Variants in SAMTOR observed in about 807,000 individuals in gnomAD.
SAMTOR encodes the protein S-adenosylmethionine sensor upstream of mTORC1.
the SAMTOR span, among the ~76,000 whole-genome samples, chr7:112,888,434 A>G: frequency 6.6e-6 from 1 of 152,190 alleles, no homozygotes. Context: ...AATTACAAAT[A>G]TATGTGTACA....
At chr7:112,820,328 T>C in the SAMTOR span, 3 of 152,498 alleles carry the variant, frequency 2.0e-5, no homozygotes, top group South Asian at 4.1e-4. Flanking sequence ...AAGTGCAGTT[T>C]ATGAAATTTA....
chr7:112,918,858 T>G, the SAMTOR span, among the ~76,000 whole-genome samples: 1 of 152,312 alleles, frequency 6.6e-6, no homozygotes, highest in African/African-American at 2.4e-5. Flanking sequence ...AGAAGGCCAT[T>G]ACATAATGGT....
chr7:112,875,966 G>A, the SAMTOR span, among the ~76,000 whole-genome samples: 1 of 152,032 alleles, frequency 6.6e-6, no homozygotes, highest in Non-Finnish European at 1.5e-5. Context: ...AAATGTAGTA[G>A]AGACTTTTTT....
chr7:112,860,011 G>A, the SAMTOR span, among the ~76,000 whole-genome samples: 7 of 152,224 alleles, frequency 4.6e-5, no homozygotes, highest in East Asian at 9.6e-4. Flanking sequence ...TTCTAGTCCC[G>A]TAAGTTCCAT....
chr7:112,904,654 C>T, the SAMTOR span, among the ~76,000 whole-genome samples: 2 of 151,874 alleles, frequency 1.3e-5, no homozygotes, highest in African/African-American at 4.8e-5. Context: ...GGAAGAGTGC[C>T]AACAAATACA....
the SAMTOR span, among the ~76,000 whole-genome samples, chr7:112,833,176 C>A: frequency 6.6e-6 from 1 of 151,998 alleles, no homozygotes; most frequent in Non-Finnish European, 1.5e-5. Context: ...CTTTTGCATT[C>A]AGGCTGTTGC....
chr7:112,913,453 T>C, the SAMTOR span, among the ~76,000 whole-genome samples: 2 of 152,374 alleles, frequency 1.3e-5, no homozygotes, highest in South Asian at 2.1e-4. Context: ...ATTATTGAAG[T>C]AGTTTTCTAA....
chr7:112,876,916 A>C, the SAMTOR span, among the ~76,000 whole-genome samples: 1 of 152,178 alleles, frequency 6.6e-6, no homozygotes, highest in Non-Finnish European at 1.5e-5. Context: ...TTCAAGGTTC[A>C]CACCAAATAT....
At chr7:112,833,494 T>G in the SAMTOR span, among the ~76,000 whole-genome samples, 3 of 152,180 alleles carry the variant, frequency 2.0e-5, no homozygotes, top group East Asian at 5.8e-4. Context: ...AAGTGGTACA[T>G]ATCATTGCTC....
chr7:112,932,666 A>T, the SAMTOR span, among the ~76,000 whole-genome samples: 1 of 152,228 alleles, frequency 6.6e-6, no homozygotes, highest in African/African-American at 2.4e-5. Context: ...TATAAATACC[A>T]TAAAGGTAGG....
chr7:112,845,834 A>C, the SAMTOR span, among the ~76,000 whole-genome samples: 120 of 152,324 alleles, frequency 7.9e-4, no homozygotes, highest in African/African-American at 2.8e-3. Flanking sequence ...GAATCAACCT[A>C]AATGCCCATC....
the SAMTOR span, among the ~76,000 whole-genome samples, chr7:112,870,074 A>G: frequency 3.3e-5 from 5 of 152,298 alleles, no homozygotes; most frequent in South Asian, 1.0e-3. Flanking sequence ...CAAATCTACA[A>G]CTTACTGGCA....
At chr7:112,915,855 G>C in the SAMTOR span, among the ~76,000 whole-genome samples, 1 of 152,076 alleles carries the variant, frequency 6.6e-6, no homozygotes, top group South Asian at 2.1e-4. Flanking sequence ...TGTTACTGTT[G>C]GGCAATATAA....
chr7:112,909,022 G>A, the SAMTOR span, among the ~76,000 whole-genome samples: 1 of 152,196 alleles, frequency 6.6e-6, no homozygotes, highest in African/African-American at 2.4e-5. Flanking sequence ...CGTAACAACT[G>A]CAAGAAGCCA....
At chr7:112,896,030 T>G in the SAMTOR span, among the ~76,000 whole-genome samples, 1 of 152,208 alleles carries the variant, frequency 6.6e-6, no homozygotes, top group Non-Finnish European at 1.5e-5. Context: ...CTAAAACTTC[T>G]CCAGCAAAGC....
chr7:112,897,126 T>C, the SAMTOR span, among the ~76,000 whole-genome samples: 1 of 152,144 alleles, frequency 6.6e-6, no homozygotes, highest in Non-Finnish European at 1.5e-5. Context: ...ACAAATCTAA[T>C]CTAATGACAG....
chr7:112,911,705 C>T, the SAMTOR span, among the ~76,000 whole-genome samples: 17 of 151,678 alleles, frequency 1.1e-4, no homozygotes, highest in Admixed American at 9.8e-4. Context: ...AAACAGAGAA[C>T]TTCAACAGAA....
At chr7:112,850,591 T>G in the SAMTOR span, among the ~76,000 whole-genome samples, 1 of 152,312 alleles carries the variant, frequency 6.6e-6, no homozygotes, top group South Asian at 2.1e-4. Context: ...TAGTTATTGT[T>G]CTGTTGAGGA....
the SAMTOR span, among the ~76,000 whole-genome samples, chr7:112,917,015 G>C: frequency 6.6e-6 from 1 of 152,314 alleles, no homozygotes; most frequent in African/African-American, 2.4e-5. Flanking sequence ...CACCTCTGGG[G>C]GCAGGGCACA....
Sources: allele counts gnomAD v4.1 joint callset (sites outside exome capture counted in the v4.1 genomes callset), GRCh38; gene constraint gnomAD v4.1.1; transcripts MANE v1.5; gene names NCBI Gene and HGNC (gene_info 2026-07-23, HGNC 2026-07-21).